Variants in ATRNL1 observed in about 807,000 individuals in gnomAD.
ATRNL1 encodes the protein attractin like 1.
ATRNL1 carries 95 observed loss-of-function variants against 182.7 expected under a neutral mutation model. That is an observed-to-expected ratio of 0.52 (90% CI 0.44 to 0.62). ATRNL1 has a LOEUF of 0.62. Ranked by LOEUF, ATRNL1 falls within the 20% of genes least tolerant of loss-of-function variation. The pLI, the probability that ATRNL1 is intolerant of heterozygous loss-of-function variation, is 0.00. For missense variants in ATRNL1, 1,471 were observed against 1,679.5 expected (o/e 0.88, Z 2.17); for synonymous variants, 576 against 568.3 (o/e 1.01, Z -0.19).
chr10:115,917,224 G>A (rs547762515), intron 28 of ATRNL1, among the ~76,000 whole-genome samples: 5 of 151,950 alleles, frequency 3.3e-5, no homozygotes, highest in South Asian at 2.1e-4. Flanking sequence ...TAATCCCAGC[G>A]CTTTGGGAGG....
intron 28 of ATRNL1, among the ~76,000 whole-genome samples, chr10:115,880,205 A>G (rs782055885): frequency 1.3e-5 from 2 of 152,208 alleles, no homozygotes; most frequent in African/African-American, 2.4e-5. Context: ...TCTAACTGAA[A>G]AGCCTGCTGT....
At chr10:115,547,615 G>A (rs920922568) in intron 25 of ATRNL1, among the ~76,000 whole-genome samples, 4 of 152,052 alleles carry the variant, frequency 2.6e-5, no homozygotes, top group African/African-American at 4.8e-5. Flanking sequence ...AGGAATATCC[G>A]TAATTTAAAA....
chr10:115,811,200 C>T (rs1332607390), intron 27 of ATRNL1, among the ~76,000 whole-genome samples: 1 of 151,984 alleles, frequency 6.6e-6, no homozygotes, highest in African/African-American at 2.4e-5. Context: ...CAATTCACAA[C>T]TTTTTTCAAT....
In ATRNL1 at chr10:115,554,637, G is replaced by A. The variant is rs1357645903; in HGVS notation, c.3795+5101G>A. 2.0e-5 allele frequency among the ~76,000 whole-genome samples: 3 copies of A among 151,414 alleles called. No individual in the cohort carries two copies. The East Asian group carries it at 5.8e-4, about 29-fold the overall frequency. Reference sequence around the variant, plus strand: ...GGCAGACACACACACACACATACACGTGCAAAGTTCTTAGGGGAGCACCTG... The same window carrying A: ...GGCAGACACACACACACACATACACATGCAAAGTTCTTAGGGGAGCACCTG... On this transcript the variant is annotated intron_variant, in intron 26 of 28. Transcript: ENST00000355044.
chr10:115,139,050 C>G (rs1367806455), intron 5 of ATRNL1, among the ~76,000 whole-genome samples: 1 of 152,186 alleles, frequency 6.6e-6, no homozygotes, highest in African/African-American at 2.4e-5. Context: ...TGCCACGAAT[C>G]TCTTTGCTAA....
At chr10:115,534,107 A>T (rs1193344329) in intron 25 of ATRNL1, among the ~76,000 whole-genome samples, 1 of 152,034 alleles carries the variant, frequency 6.6e-6, no homozygotes, top group Non-Finnish European at 1.5e-5. Flanking sequence ...AGTTCTGTAG[A>T]TGTCTATTAG....
At chr10:115,369,662 A>G (rs1564964954) in intron 19 of ATRNL1, among the ~76,000 whole-genome samples, 1 of 152,120 alleles carries the variant, frequency 6.6e-6, no homozygotes, top group Non-Finnish European at 1.5e-5. Context: ...TACATTCCAT[A>G]ATGGCCTTAT....
chr10:115,346,890 T>C (rs1564937608), intron 19 of ATRNL1, among the ~76,000 whole-genome samples: 2 of 152,120 alleles, frequency 1.3e-5, no homozygotes, highest in African/African-American at 2.4e-5. Context: ...AGTTTATCTA[T>C]TTTTTTATTT....
intron 26 of ATRNL1, among the ~76,000 whole-genome samples, chr10:115,563,154 A>G (rs1853858283): frequency 6.6e-6 from 1 of 152,176 alleles, no homozygotes; most frequent in Non-Finnish European, 1.5e-5. Context: ...GCATGGGACC[A>G]GTATCTGCTT....
chr10:115,324,074 A>G (rs1296590031), intron 18 of ATRNL1, among the ~76,000 whole-genome samples: 1 of 151,782 alleles, frequency 6.6e-6, no homozygotes, highest in African/African-American at 2.4e-5. Flanking sequence ...ACCGCGTCTG[A>G]CCTATTTTTA....
At position 115,215,680 on chromosome 10, in the gene ATRNL1, T is replaced by A; in HGVS notation, c.1349-17T>A. The stretch of plus-strand genomic sequence containing the variant: ...AATACTACTTGAAATTTATAATGTA[T>A]TTTATTTCTGTTACAGCATCAAACA... On this transcript the variant is annotated splice_polypyrimidine_tract_variant and intron_variant, in intron 8 of 28. Coordinates refer to ENST00000355044, the MANE Select transcript of ATRNL1 (RefSeq NM_207303.4). The A allele has an allele frequency of 6.4e-7, 1 of 1,559,196 alleles. No homozygotes were observed. The highest frequency in any genetic ancestry group is 8.6e-7 in the Non-Finnish European group (1 of 1,158,368).
At chr10:115,129,261 G>A in intron 4 of ATRNL1, 66 bp from the exon 5 acceptor site, 2 of 1,205,028 alleles carry the variant, frequency 1.7e-6, no homozygotes, top group South Asian at 1.3e-5. Flanking sequence ...TAAAGTTTAT[G>A]ATGTATCAAC....
At chr10:115,616,947 A>G (rs1459922130) in intron 26 of ATRNL1, among the ~76,000 whole-genome samples, 1 of 152,246 alleles carries the variant, frequency 6.6e-6, no homozygotes, top group Admixed American at 6.5e-5. Flanking sequence ...GCTCCTACAC[A>G]GAGCCCTCAC....
chr10:115,536,167 C>T (rs1851982314), intron 25 of ATRNL1, among the ~76,000 whole-genome samples: 1 of 152,128 alleles, frequency 6.6e-6, no homozygotes, highest in African/African-American at 2.4e-5. Flanking sequence ...TTTAATTCTG[C>T]AGAGGTTACT....
rs912092980 is a variant in ATRNL1, at chr10:115,287,978, G to A, written c.2415+1581G>A. Among the ~76,000 whole-genome samples, 12 of 137,288 alleles carry A rather than the reference G, an allele frequency of 8.7e-5. No homozygotes were observed. In the East Asian group the frequency reaches 1.7e-3, roughly 20 times the overall value. The allele number at this position is 137,288 out of a possible 152,430, so 90.1% of individuals were successfully genotyped here. On this transcript the variant is annotated intron_variant, in intron 15 of 28. Coordinates refer to ENST00000355044, the MANE Select transcript of ATRNL1 (RefSeq NM_207303.4). ...CCACTTATGAATGAGAACACAGGGT[G>A]TGTAACTTTCTGGGCCTCTCTTATT...
rs1035347350 is a variant in ATRNL1, at chr10:115,368,320, G to A, written c.3176-26339G>A. On this transcript the variant is annotated intron_variant, in intron 19 of 28. Coordinates refer to ENST00000355044, the MANE Select transcript of ATRNL1 (RefSeq NM_207303.4). ...CGTCCGTCACCCCTTTCTTTGACTCGGAAAGGGAACTCCCTGACCCTTGCG... is the reference window on the plus strand; with the variant it reads ...CGTCCGTCACCCCTTTCTTTGACTCAGAAAGGGAACTCCCTGACCCTTGCG... Among the ~76,000 whole-genome samples the A allele has an allele frequency of 5.9e-5, 9 of 151,894 alleles. No individual in the cohort carries two copies. The South Asian group carries it at 1.5e-3, about 25-fold the overall frequency.
chr10:115,370,223 C>G (rs573535724), intron 19 of ATRNL1, among the ~76,000 whole-genome samples: 1 of 152,112 alleles, frequency 6.6e-6, no homozygotes, highest in Non-Finnish European at 1.5e-5. Flanking sequence ...CTCAGTATGT[C>G]TTTATCGGCT....
intron 28 of ATRNL1, among the ~76,000 whole-genome samples, chr10:115,899,216 A>G (rs2134484491): frequency 6.6e-6 from 1 of 152,114 alleles, no homozygotes; most frequent in East Asian, 1.9e-4. Context: ...ATTCCCATCT[A>G]TGAGTGAGAA....
At chr10:115,771,109 T>A (rs1465922063) in intron 27 of ATRNL1, among the ~76,000 whole-genome samples, 2 of 152,192 alleles carry the variant, frequency 1.3e-5, no homozygotes, top group Non-Finnish European at 2.9e-5. Flanking sequence ...TACCTTACCC[T>A]GGTATTATGA....
Sources: allele counts gnomAD v4.1 joint callset (sites outside exome capture counted in the v4.1 genomes callset), GRCh38; gene constraint gnomAD v4.1.1; transcripts MANE v1.5; gene names NCBI Gene and HGNC (gene_info 2026-07-23, HGNC 2026-07-21).